Variants in RYR3 observed in about 807,000 individuals in gnomAD.
RYR3 encodes the protein brain ryanodine receptor-calcium release channel.
RYR3 carries 207 observed loss-of-function variants against 584.3 expected under a neutral mutation model. The observed-to-expected ratio is 0.35, with a 90% CI of 0.32 to 0.40. The LOEUF is 0.40. RYR3 is among the 10% of genes least tolerant of loss of function. The pLI is 1.00. For missense variants in RYR3, 5,616 were observed against 6,089.2 expected (o/e 0.92, Z 2.59); for synonymous variants, 2,416 against 2,248.5 (o/e 1.07, Z -2.11).
At chr15:33,784,389 G>A (rs774541669) in intron 65 of RYR3, among the ~76,000 whole-genome samples, 11 of 152,328 alleles carry the variant, frequency 7.2e-5, no homozygotes, top group East Asian at 1.9e-4. Flanking sequence ...TAATCCCAAT[G>A]GCAAAGGGCC....
intron 48 of RYR3, among the ~76,000 whole-genome samples, chr15:33,735,155 A>G (rs1443503588): frequency 2.0e-5 from 3 of 152,174 alleles, no homozygotes; most frequent in African/African-American, 7.2e-5. Flanking sequence ...AATTCACAGA[A>G]TTACAGACTT....
In RYR3 at chr15:33,788,668, C is replaced by A. The variant is rs115345630; in HGVS notation, c.9830+210C>A. On this transcript the variant is annotated intron_variant, in intron 67 of 103. Coordinates refer to ENST00000634891, the MANE Select transcript of RYR3 (RefSeq NM_001036.6). ...AGCAATGATTCTGTATGGTCTGTGA[C>A]ATGGCCATCTCCTCCATCCTTACGG... 1.0e-2 allele frequency among the ~76,000 whole-genome samples: 1,517 copies of A among 152,298 alleles called. 19 individuals are homozygous for A. The highest frequency in any genetic ancestry group is 0.034 in the African/African-American group (1,426 of 41,566).
Position 33,646,544 on chromosome 15 carries a change from A to G in RYR3, c.3941+18A>G, listed in dbSNP as rs1426427095. On this transcript the variant is annotated intron_variant, in intron 29 of 103. Transcript: ENST00000634891. ...CAGAAAAGGTGAGGGTGAGGCCTCC[A>G]GTTCTCAGAGGCACTCATTGTATCT... is the stretch of plus-strand genomic sequence containing the variant. 3 of 1,594,010 alleles carry G rather than the reference A, an allele frequency of 1.9e-6. No individual in the cohort carries two copies. The highest frequency in any genetic ancestry group is 2.2e-5 in the South Asian group (2 of 89,158).
rs1003934301 is a variant in RYR3 at position 33,853,625 on chromosome 15, C to A, written c.13742C>A (p.Ala4581Asp). 1 of 1,613,962 alleles carries A rather than the reference C, an allele frequency of 6.2e-7. No individual in the cohort carries two copies. ...IAELLGLDKN[A>D]LDFSPVEETK... The stretch of plus-strand genomic sequence containing the variant: ...GAACTTCTGGGTTTGGACAAAAATG[C>A]TCTTGACTTTAGCCCAGTAGAAGAG... Residue 4581 changes from alanine to aspartate, a missense_variant, in exon 96 of 104, where the codon GCT (alanine) becomes GAT (aspartate). Physicochemically the swap from Ala to Asp is moderately radical, Grantham distance 126. Around this residue, in one of 9 missense-constraint regions of RYR3, gnomAD observed 918 missense variants for 887.4 expected, o/e 1.03. Transcript: ENST00000634891.
intron 1 of RYR3, among the ~76,000 whole-genome samples, chr15:33,325,848 C>T (rs1297472457): frequency 6.6e-6 from 1 of 151,800 alleles, no homozygotes; most frequent in Admixed American, 6.6e-5. Flanking sequence ...GTTACCCAGG[C>T]TGGAGTGCAG....
At chr15:33,712,535 C>A (rs1349119505) in intron 43 of RYR3, among the ~76,000 whole-genome samples, 9 of 152,104 alleles carry the variant, frequency 5.9e-5, no homozygotes, top group Non-Finnish European at 1.5e-5. Context: ...TATAGAGATA[C>A]CCCTAATTGA....
At chr15:33,678,285 G>T (rs7169826) in intron 38 of RYR3, among the ~76,000 whole-genome samples, 5 of 152,066 alleles carry the variant, frequency 3.3e-5, no homozygotes, top group East Asian at 1.9e-4. Context: ...CTGAATCATG[G>T]GGGGGAGACT....
chr15:33,778,867 T>C (rs759154557), intron 64 of RYR3, among the ~76,000 whole-genome samples: 3 of 152,208 alleles, frequency 2.0e-5, no homozygotes, highest in Non-Finnish European at 4.4e-5. Flanking sequence ...TGTTGCTGAC[T>C]GGGGGCTGAT....
Position 33,544,167 on chromosome 15 carries a change from G to T in RYR3, c.740+452G>T, listed in dbSNP as rs371663682. Among the ~76,000 whole-genome samples, 476 of 152,230 alleles carry T rather than the reference G, an allele frequency of 3.1e-3. 2 individuals carry two copies. Among genetic ancestry groups the T allele is most frequent in the African/African-American group, 0.011 (449 of 41,542 alleles). On this transcript the variant is annotated intron_variant, in intron 8 of 103. Coordinates refer to ENST00000634891, the MANE Select transcript of RYR3 (RefSeq NM_001036.6). ...TAGAGGGCGCTGTGCCAAGGACGAT[G>T]TGTTCTTGTCCTTATACTTGACCCC... is the stretch of plus-strand genomic sequence containing the variant.
At chr15:33,821,668 C>T (rs988817912) in intron 80 of RYR3, 66 bp downstream of exon 80, 94 of 1,496,538 alleles carry the variant, frequency 6.3e-5, no homozygotes, top group Middle Eastern at 4.4e-4. Context: ...TGTCATGCTT[C>T]AGGGAAGAGG....
intron 1 of RYR3, among the ~76,000 whole-genome samples, chr15:33,340,125 A>G (rs1022279163): frequency 6.6e-6 from 1 of 152,164 alleles, no homozygotes. Context: ...ACTTTGTGTT[A>G]TTCAATCTTC....
At chr15:33,434,540 T>TTG (rs1029151846) in intron 1 of RYR3, among the ~76,000 whole-genome samples, 2 of 152,096 alleles carry the variant, frequency 1.3e-5, no homozygotes, top group Admixed American at 1.3e-4. Flanking sequence ...GAAAGTAGAG[T>TTG]TGGAAGCCTT....
intron 57 of RYR3, among the ~76,000 whole-genome samples, chr15:33,751,824 A>C (rs1387710629): frequency 6.6e-6 from 1 of 151,972 alleles, no homozygotes; most frequent in African/African-American, 2.4e-5. Context: ...GTCCTGAATG[A>C]TATTGCCTAG....
intron 2 of RYR3, among the ~76,000 whole-genome samples, chr15:33,476,455 A>G (rs562289270): frequency 4.6e-5 from 7 of 152,170 alleles, no homozygotes; most frequent in African/African-American, 1.4e-4. Context: ...TGTCACAACT[A>G]TTTTCATTTG....
chr15:33,504,908 G>GT (rs1387085172), intron 3 of RYR3, among the ~76,000 whole-genome samples: 1 of 152,198 alleles, frequency 6.6e-6, no homozygotes, highest in African/African-American at 2.4e-5. Flanking sequence ...CAAGGAACTA[G>GT]TTTAGTTATT....
chr15:33,746,352 G>C (rs985638308), intron 53 of RYR3, among the ~76,000 whole-genome samples, 195 bp downstream of exon 53: 3 of 152,238 alleles, frequency 2.0e-5, no homozygotes, highest in South Asian at 2.1e-4. Flanking sequence ...CTCACTTTCT[G>C]TTCTTTGGCT....
intron 31 of RYR3, 135 bp downstream of exon 31, chr15:33,649,370 C>A: frequency 1.3e-6 from 1 of 794,030 alleles, no homozygotes; most frequent in Middle Eastern, 3.8e-4. Flanking sequence ...GCACAGACTT[C>A]AAAGAAACAA....
chr15:33,731,941 ATGGACCAGAAGAC>A (rs2068990533), intron 48 of RYR3, among the ~76,000 whole-genome samples: 3 of 152,156 alleles, frequency 2.0e-5, no homozygotes, highest in Admixed American at 6.5e-5. Flanking sequence ...ATTACGGTTG[ATGGACCAGAAGAC>A]TATTTCAGGC....
At chr15:33,833,018 AAAAGAGCCAAAGG>A (rs1396039513) in intron 86 of RYR3, among the ~76,000 whole-genome samples, 3 of 75,760 alleles carry the variant, frequency 4.0e-5, no homozygotes, top group South Asian at 6.5e-4. Context: ...AAAAAAAAAA[AAAAGAGCCAAAGG>A]GCTCCGAGTC....
Sources: gnomAD v4.1 joint callset for allele counts (sites outside exome capture counted in the v4.1 genomes callset) on GRCh38, gnomAD v4.1.1 for gene constraint, gnomAD v4.1.1 regional missense constraint, MANE v1.5 for transcripts, NCBI Gene and HGNC (gene_info 2026-07-23, HGNC 2026-07-21) for gene names.